AK5: variants seen among roughly 807,000 people sequenced by gnomAD.
AK5 encodes the protein adenylate kinase isoenzyme 5.
AK5 carries 27 observed loss-of-function variants against 69.5 expected under a neutral mutation model. The ratio of observed to expected loss-of-function variants is 0.39; its 90% CI spans 0.29 to 0.54. The LOEUF is 0.54. Ranked by LOEUF, AK5 falls within the 20% of genes least tolerant of loss-of-function variation. The pLI is 0.71. For synonymous variants in AK5, 260 were observed against 244.4 expected (o/e 1.06, Z -0.60); for missense variants, 531 against 700.4 (o/e 0.76, Z 2.73).
intron 8 of AK5, among the ~76,000 whole-genome samples, chr1:77,432,578 C>T (rs966906166): frequency 6.6e-6 from 1 of 152,022 alleles, no homozygotes; most frequent in Non-Finnish European, 1.5e-5. Context: ...TGGTTTTGAG[C>T]CATGAATCCA....
In AK5 at chr1:77,367,380, G is replaced by A. The variant is rs150535269; in HGVS notation, c.891+26812G>A. Among the ~76,000 whole-genome samples the A allele has an allele frequency of 3.3e-3, 490 of 150,054 alleles. 6 individuals carry two copies. The highest frequency in any genetic ancestry group is 0.011 in the African/African-American group (458 of 40,734). On this transcript the variant is annotated intron_variant, in intron 6 of 13. Coordinates refer to ENST00000354567, the MANE Select transcript of AK5 (RefSeq NM_174858.3). ...ATCTCACTCTGTCACCCAGGCTGCA[G>A]TGCAGTGGAGCAACCATGGCCCACT...
intron 6 of AK5, among the ~76,000 whole-genome samples, chr1:77,351,117 G>A (rs1662169868): frequency 6.6e-6 from 1 of 152,222 alleles, no homozygotes; most frequent in Non-Finnish European, 1.5e-5. Context: ...AACTGGGCCG[G>A]GCGCGGTGGC....
intron 8 of AK5, among the ~76,000 whole-genome samples, chr1:77,430,854 A>G (rs1420130073): frequency 6.6e-6 from 1 of 152,206 alleles, no homozygotes; most frequent in African/African-American, 2.4e-5. Flanking sequence ...GAGGAAATTG[A>G]GAACTTTACA....
intron 5 of AK5, among the ~76,000 whole-genome samples, chr1:77,337,863 T>G (rs916458234): frequency 1.6e-4 from 25 of 152,364 alleles, no homozygotes; most frequent in African/African-American, 5.5e-4. Context: ...TATTGTCTGA[T>G]TCTACAATCC....
At chr1:77,481,801 A>G (rs554559642) in intron 8 of AK5, among the ~76,000 whole-genome samples, 117 of 152,328 alleles carry the variant, frequency 7.7e-4, no homozygotes, top group Non-Finnish European at 1.3e-3. Context: ...CTCTCTCGAA[A>G]TTTAGCCTGC....
intron 2 of AK5, 36 bp from the exon 3 acceptor site, chr1:77,293,757 T>G: frequency 6.4e-7 from 1 of 1,551,348 alleles, no homozygotes. Context: ...TATTATGGTG[T>G]TTTTTCCTTT....
chr1:77,532,808 T>TG (rs1658723451), intron 12 of AK5, among the ~76,000 whole-genome samples: 1 of 152,218 alleles, frequency 6.6e-6, no homozygotes, highest in African/African-American at 2.4e-5. Context: ...AGGGTGATGT[T>TG]GGGGGCAGGC....
At chr1:77,344,478 A>G (rs947704145) in intron 6 of AK5, among the ~76,000 whole-genome samples, 4 of 152,296 alleles carry the variant, frequency 2.6e-5, no homozygotes, top group Non-Finnish European at 5.9e-5. Flanking sequence ...AATGTTTGGC[A>G]GAAGATTTTT....
chr1:77,558,764 C>A lies in AK5; in HGVS notation c.*94C>A, dbSNP rs1415757319. 19 of 873,396 alleles carry A rather than the reference C, an allele frequency of 2.2e-5. No homozygotes were observed. Among genetic ancestry groups the A allele is most frequent in the Non-Finnish European group, 1.9e-6 (1 of 530,110 alleles). The allele number at this position is 873,396 out of a possible 1,614,324, so 54.1% of individuals were successfully genotyped here. A position where few individuals can be genotyped will look rare whatever the true frequency, so the allele number is the denominator to read the frequency against. ...TTTCAAGTTAAACCTTTTGTGTCAC[C>A]GCCCCCACCAACCACCACCTCCTAA... On this transcript the variant is annotated 3_prime_UTR_variant, in exon 14 of 14. Transcript: ENST00000354567.
intron 6 of AK5, among the ~76,000 whole-genome samples, chr1:77,358,805 T>A (rs1413624400): frequency 1.1e-5 from 1 of 90,896 alleles, no homozygotes; most frequent in Non-Finnish European, 2.2e-5. Context: ...AATAGTAAGT[T>A]TCCTATCCCC....
At chr1:77,443,724 T>TGTGTGTGTGTGTG (rs1557597565) in intron 8 of AK5, among the ~76,000 whole-genome samples, 1 of 148,854 alleles carries the variant, frequency 6.7e-6, no homozygotes, top group East Asian at 2.0e-4. Context: ...TGTGTGTGTG[T>TGTGTGTGTGTGTG]TCAACTGAAT....
chr1:77,468,217 C>A (rs946023379), intron 8 of AK5, among the ~76,000 whole-genome samples: 1 of 152,192 alleles, frequency 6.6e-6, no homozygotes, highest in Non-Finnish European at 1.5e-5. Context: ...TGCTTTGCTT[C>A]TTTTTCCCTG....
At chr1:77,446,768 T>C (rs1012614061) in intron 8 of AK5, among the ~76,000 whole-genome samples, 5 of 152,188 alleles carry the variant, frequency 3.3e-5, no homozygotes, top group Admixed American at 3.3e-4. Flanking sequence ...AGATGAAGCA[T>C]GTGTTAGCTT....
chr1:77,493,993 T>C (rs1656150685), intron 10 of AK5, among the ~76,000 whole-genome samples: 1 of 152,214 alleles, frequency 6.6e-6, no homozygotes. Context: ...CAAGGGCTTA[T>C]TATGGTCAAA....
At chr1:77,493,337 A>AG (rs1247635772) in intron 10 of AK5, among the ~76,000 whole-genome samples, 2 of 146,912 alleles carry the variant, frequency 1.4e-5, no homozygotes, top group African/African-American at 2.5e-5. Flanking sequence ...AGCCCCCCCC[A>AG]GGTTCTCAGG....
intron 11 of AK5, 47 bp downstream of exon 11, chr1:77,518,774 A>G: frequency 6.3e-7 from 1 of 1,588,458 alleles, no homozygotes; most frequent in African/African-American, 1.3e-5. Flanking sequence ...CTGTCTGGGG[A>G]GACCTTTGGG....
chr1:77,417,595 C>A, intron 7 of AK5, 44 bp from the exon 8 acceptor site: 1 of 1,213,886 alleles, frequency 8.2e-7, no homozygotes, highest in South Asian at 1.2e-5. Context: ...TAGAAACATA[C>A]ATAGACAACC....
intron 8 of AK5, among the ~76,000 whole-genome samples, chr1:77,434,857 A>G (rs1299578695): frequency 6.6e-6 from 1 of 152,212 alleles, no homozygotes; most frequent in African/African-American, 2.4e-5. Flanking sequence ...ATGAGTTTAC[A>G]TCATATCATA....
intron 6 of AK5, among the ~76,000 whole-genome samples, chr1:77,357,518 A>G (rs1240267692): frequency 6.6e-6 from 1 of 152,236 alleles, no homozygotes; most frequent in African/African-American, 2.4e-5. Context: ...ATAATGACAA[A>G]TAATACCTTA....
Sources: allele counts gnomAD v4.1 joint callset (sites outside exome capture counted in the v4.1 genomes callset), GRCh38; gene constraint gnomAD v4.1.1; transcripts MANE v1.5; gene names NCBI Gene and HGNC (gene_info 2026-07-23, HGNC 2026-07-21).